The following TUSC3 variants were observed in gnomAD, a reference collection of about 807,000 sequenced individuals.
The protein encoded by TUSC3 is dolichyl-diphosphooligosaccharide--protein glycosyltransferase subunit TUSC3.
Under a neutral mutation model 44.8 loss-of-function variants are expected in TUSC3, and 45 were observed. That is an observed-to-expected ratio of 1.00 (90% confidence interval 0.79 to 1.29). The LOEUF is 1.29. Ranked by LOEUF, TUSC3 falls within the 50% of genes most tolerant of loss-of-function variation. TUSC3 has a pLI of 0.00. For missense variants in TUSC3, 519 were observed against 437.9 expected (o/e 1.19, Z -1.65); for synonymous variants, 212 against 152.9 (o/e 1.39, Z -2.85).
the TUSC3 span, among the ~76,000 whole-genome samples, chr8:15,844,686 G>A: frequency 6.6e-6 from 1 of 152,080 alleles, no homozygotes; most frequent in Non-Finnish European, 1.5e-5. Context: ...GCTGGTCCTA[G>A]GACAGTCATT....
At chr8:15,809,177 G>A in the TUSC3 span, among the ~76,000 whole-genome samples, 1 of 152,128 alleles carries the variant, frequency 6.6e-6, no homozygotes, top group Non-Finnish European at 1.5e-5. Context: ...GGAGGGCTCA[G>A]GGCAAGAGGT....
intron 2 of TUSC3, among the ~76,000 whole-genome samples, chr8:15,527,257 C>A (rs1801385642): frequency 6.6e-6 from 1 of 152,124 alleles, no homozygotes; most frequent in African/African-American, 2.4e-5. Flanking sequence ...CACTCTGTCA[C>A]CCAGGCTGGA....
At position 15,659,509 on chromosome 8, in the gene TUSC3, C is replaced by T. The variant is rs1807326571; in HGVS notation, c.429C>T (p.Leu143=). 3 of 1,612,144 alleles carry T rather than the reference C, an allele frequency of 1.9e-6. No homozygotes were observed. The highest frequency in any genetic ancestry group is 2.7e-5 in the African/African-American group (2 of 74,998). ...YDEGTDVFQQ[L]NMNSAPTFMH... is the part of the protein sequence containing the mutation. The stretch of plus-strand genomic sequence containing the variant: ...TATTTTTTTCTCATGTTTTACAGCT[C>T]AACATGAACTCTGCTCCTACATTCA... The change falls in exon 4 of 11, where the codon CTC becomes CTT. Residue 143 remains leucine, a splice_region_variant and synonymous_variant. Coordinates refer to ENST00000503731, the MANE Select transcript of TUSC3 (RefSeq NM_006765.4).
In TUSC3 at chr8:15,628,554, ATAGT is replaced by A. The variant is rs144542957; in HGVS notation, c.308+5309_308+5312del. On this transcript the variant is annotated intron_variant, in intron 2 of 10. Transcript: ENST00000503731. Reference sequence around the variant, plus strand: ...TTTAATGGGTCAGTGTCGGGGTAGGATAGTTAGAGAAGAAAGAACAGGTTAAAGT... The same window carrying A: ...TTTAATGGGTCAGTGTCGGGGTAGGATAGAGAAGAAAGAACAGGTTAAAGT... Among the ~76,000 whole-genome samples, 870 of 152,276 alleles carry A rather than the reference ATAGT, an allele frequency of 5.7e-3. 9 individuals are homozygous for A. The highest frequency in any genetic ancestry group is 0.02 in the African/African-American group (841 of 41,558).
intron 1 of TUSC3, among the ~76,000 whole-genome samples, chr8:15,609,543 A>G (rs1034618790): frequency 2.6e-5 from 4 of 152,166 alleles, no homozygotes; most frequent in Non-Finnish European, 5.9e-5. Flanking sequence ...GTTCAAGAAA[A>G]ATGGTGACAG....
intron 1 of TUSC3, among the ~76,000 whole-genome samples, chr8:15,598,829 A>C (rs1804169261): frequency 6.6e-6 from 1 of 151,570 alleles, no homozygotes; most frequent in African/African-American, 2.4e-5. Context: ...CAGTTTATTT[A>C]CCCATTCACT....
intron 10 of TUSC3, 124 bp downstream of exon 10, chr8:15,757,979 A>G: frequency 6.7e-7 from 1 of 1,488,398 alleles, no homozygotes; most frequent in Non-Finnish European, 8.9e-7. Flanking sequence ...ATAACTTTTA[A>G]CTGTGAGATT....
At chr8:15,795,058 C>T in the TUSC3 span, among the ~76,000 whole-genome samples, 1 of 152,054 alleles carries the variant, frequency 6.6e-6, no homozygotes, top group African/African-American at 2.4e-5. Context: ...GAGGTTGGAA[C>T]ACATTCTTTC....
intron 2 of TUSC3, among the ~76,000 whole-genome samples, chr8:15,629,604 C>T (rs1410858749): frequency 3.0e-5 from 4 of 131,950 alleles, no homozygotes; most frequent in African/African-American, 1.1e-4. Context: ...CCTTCTGTGT[C>T]AGTGTACTTT....
chr8:15,502,905 G>A (rs544112154), intron 2 of TUSC3, among the ~76,000 whole-genome samples: 12 of 152,316 alleles, frequency 7.9e-5, no homozygotes, highest in Admixed American at 1.3e-4. Flanking sequence ...CTCCTTACAT[G>A]TTTGACGAAG....
intron 2 of TUSC3, among the ~76,000 whole-genome samples, chr8:15,521,189 A>G (rs1252247791): frequency 6.6e-6 from 1 of 152,182 alleles, no homozygotes; most frequent in Non-Finnish European, 1.5e-5. Context: ...CCGTTTATGT[A>G]TAATGGAACT....
At chr8:15,700,869 C>CTTTTTTT (rs1332141201) in intron 6 of TUSC3, among the ~76,000 whole-genome samples, 4 of 60,292 alleles carry the variant, frequency 6.6e-5, no homozygotes, top group African/African-American at 1.3e-4. Context: ...TTTTTTTTTG[C>CTTTTTTT]TTTGCCTGTT....
At chr8:15,462,389 G>T (rs890976445) in intron 1 of TUSC3, among the ~76,000 whole-genome samples, 1 of 151,882 alleles carries the variant, frequency 6.6e-6, no homozygotes, top group Non-Finnish European at 1.5e-5. Context: ...TATACAAATG[G>T]CCAACTGCTA....
At chr8:15,736,411 A>G (rs947219210) in intron 7 of TUSC3, among the ~76,000 whole-genome samples, 10 of 152,206 alleles carry the variant, frequency 6.6e-5, no homozygotes, top group African/African-American at 9.6e-5. Flanking sequence ...TATGAAATAT[A>G]TAAAATTGTG....
At chr8:15,748,643 T>C (rs780761386) in intron 9 of TUSC3, 178 bp downstream of exon 9, 13 of 742,396 alleles carry the variant, frequency 1.8e-5, no homozygotes, top group Middle Eastern at 4.6e-4. Context: ...AAAGGAGATA[T>C]AAGGCATGGT....
At chr8:15,798,650 G>GT in the TUSC3 span, among the ~76,000 whole-genome samples, 11,072 of 87,478 alleles carry the variant, frequency 0.13, 663 homozygotes, top group East Asian at 0.42. Context: ...CTGGGTGTGT[G>GT]GGGGGGGTCC....
chr8:15,828,710 C>A, the TUSC3 span, among the ~76,000 whole-genome samples: 1 of 152,254 alleles, frequency 6.6e-6, no homozygotes, highest in East Asian at 1.9e-4. Flanking sequence ...TATTCGACTT[C>A]TCTGTGATAC....
At chr8:15,620,628 G>T (rs1051102666) in intron 1 of TUSC3, among the ~76,000 whole-genome samples, 2 of 152,064 alleles carry the variant, frequency 1.3e-5, no homozygotes, top group Non-Finnish European at 2.9e-5. Context: ...GCATTCTTGT[G>T]TTTTGCTTGG....
intron 1 of TUSC3, among the ~76,000 whole-genome samples, chr8:15,560,239 A>G (rs1233822226): frequency 2.0e-5 from 3 of 147,592 alleles, no homozygotes; most frequent in African/African-American, 5.0e-5. Context: ...TCTGTTAAGT[A>G]TTTTATTTCT....
Sources: allele counts gnomAD v4.1 joint callset (sites outside exome capture counted in the v4.1 genomes callset), GRCh38; gene constraint gnomAD v4.1.1; transcripts MANE v1.5; gene names NCBI Gene and HGNC (gene_info 2026-07-23, HGNC 2026-07-21).